The following ZNF512 variants were observed in gnomAD, a reference collection of about 807,000 sequenced individuals.
ZNF512 encodes zinc finger protein 512.
ZNF512 carries 25 observed loss-of-function variants against 77.5 expected under a neutral mutation model. The observed-to-expected ratio is 0.32, with a 90% CI of 0.23 to 0.45. The LOEUF is 0.45. Ranked by LOEUF, ZNF512 falls within the 20% of genes least tolerant of loss-of-function variation. The pLI is 1.00. For synonymous variants in ZNF512, 246 were observed against 239.9 expected, an observed-to-expected ratio of 1.03 and a Z score of -0.24; for missense variants, 483 against 692.6, an observed-to-expected ratio of 0.70 and a Z score of 3.40.
chr2:27,594,620 G>A (rs1490115794), intron 2 of ZNF512, among the ~76,000 whole-genome samples: 17 of 150,420 alleles, frequency 1.1e-4, no homozygotes, highest in South Asian at 4.2e-4. Context: ...GGTGGCGGCC[G>A]GGCAGAGGCG....
At chr2:27,620,962 T>C (rs908448195) in intron 13 of ZNF512, among the ~76,000 whole-genome samples, 191 bp from the exon 14 acceptor site, 3 of 152,202 alleles carry the variant, frequency 2.0e-5, no homozygotes, top group African/African-American at 4.8e-5. Context: ...TTACAAAATA[T>C]GTGCTTGTAA....
chr2:27,598,114 T>C lies in ZNF512; in HGVS notation c.137T>C (p.Ile46Thr), dbSNP rs748442507. ...SIKDNSFQYT[I>T]PHDDSLSGSS... ...AAGGATAATAGTTTCCAGTACACTA[T>C]CCCTCATGATGACTCCTTAAGTGGT... Residue 46 changes from isoleucine to threonine, a missense_variant, in exon 3 of 14, where the codon ATC becomes ACC. Coordinates refer to ENST00000355467, the MANE Select transcript of ZNF512 (RefSeq NM_032434.4). 1 of 1,612,706 alleles carries C rather than the reference T, an allele frequency of 6.2e-7. No homozygotes were observed. The highest frequency in any genetic ancestry group is 1.1e-5 in the South Asian group (1 of 91,020).
rs150493913 is a variant in ZNF512, at chr2:27,600,977, T to G, written c.582+162T>G. Among the ~76,000 whole-genome samples, 105 of 152,356 alleles carry G rather than the reference T, an allele frequency of 6.9e-4. 1 individual carries two copies. The East Asian group carries it at 9.4e-3, about 14-fold the overall frequency. ...GACAGAGTTAGGTTTGAATCTTCTC[T>G]TAGCCACATACTAGTGTGGCATTTA... On this transcript the variant is annotated intron_variant, in intron 6 of 13. Coordinates refer to ENST00000355467, the MANE Select transcript of ZNF512 (RefSeq NM_032434.4).
chr2:27,598,571 C>T (rs905645509), intron 3 of ZNF512, among the ~76,000 whole-genome samples: 3 of 150,284 alleles, frequency 2.0e-5, no homozygotes, highest in African/African-American at 7.4e-5. Flanking sequence ...AGAGGTTGCA[C>T]TGAGCAGAGA....
intron 3 of ZNF512, 36 bp downstream of exon 3, chr2:27,598,290 A>G (rs750385740): frequency 1.9e-6 from 3 of 1,580,272 alleles, no homozygotes; most frequent in Middle Eastern, 1.7e-4. Flanking sequence ...AAGACGGGCC[A>G]CTTCCTAAAG....
chr2:27,584,283 GA>G (rs1314412117), intron 2 of ZNF512, among the ~76,000 whole-genome samples: 2 of 152,190 alleles, frequency 1.3e-5, no homozygotes, highest in Non-Finnish European at 2.9e-5. Flanking sequence ...ATACACTGAT[GA>G]ACTTGGGATG....
rs1572920584 is a variant in ZNF512 at position 27,603,316 on chromosome 2, T to C, written c.936+9T>C. ...GGTCAGAGCATGGGCCTGTGAGTAC[T>C]GATTCCTTTCTATACCCTGCGTGGG... On this transcript the variant is annotated intron_variant, in intron 9 of 13. Coordinates refer to ENST00000355467, the MANE Select transcript of ZNF512 (RefSeq NM_032434.4). 6 of 1,613,404 alleles carry C rather than the reference T, an allele frequency of 3.7e-6. No homozygotes were observed. The highest frequency in any genetic ancestry group is 1.3e-5 in the African/African-American group (1 of 74,896).
intron 9 of ZNF512, among the ~76,000 whole-genome samples, chr2:27,606,350 A>G (rs1008280089): frequency 4.6e-5 from 7 of 151,690 alleles, no homozygotes; most frequent in African/African-American, 1.7e-4. Context: ...GCTTAACTCA[A>G]TGTATAATTT....
intron 11 of ZNF512, among the ~76,000 whole-genome samples, chr2:27,615,682 G>C (rs1881395): frequency 1.3e-5 from 2 of 151,974 alleles, no homozygotes; most frequent in Non-Finnish European, 2.9e-5. Context: ...TCTAGCTTCA[G>C]AATTTGCACA....
intron 2 of ZNF512, among the ~76,000 whole-genome samples, chr2:27,595,334 A>G (rs1417492348): frequency 7.7e-6 from 1 of 129,460 alleles, no homozygotes; most frequent in African/African-American, 3.0e-5. Context: ...GGAGTCTCGC[A>G]CTGTCGCCCA....
At chr2:27,600,914 C>T (rs1232700871) in intron 6 of ZNF512, 99 bp downstream of exon 6, 5 of 1,429,750 alleles carry the variant, frequency 3.5e-6, no homozygotes, top group African/African-American at 1.4e-5. Context: ...GGATGAAAAG[C>T]AGCATTGTAT....
chr2:27,586,593 T>C (rs1025715880), intron 2 of ZNF512, among the ~76,000 whole-genome samples: 1 of 152,214 alleles, frequency 6.6e-6, no homozygotes, highest in Non-Finnish European at 1.5e-5. Context: ...GCCAGTCCAT[T>C]AATTTTTAAA....
chr2:27,609,782 T>G, intron 10 of ZNF512, among the ~76,000 whole-genome samples: 1 of 151,728 alleles, frequency 6.6e-6, no homozygotes, highest in Non-Finnish European at 1.5e-5. Flanking sequence ...GGCAGAAGAA[T>G]CGCTTGAACC....
intron 10 of ZNF512, among the ~76,000 whole-genome samples, chr2:27,611,770 C>T (rs999288630): frequency 1.3e-5 from 2 of 151,400 alleles, no homozygotes; most frequent in African/African-American, 4.9e-5. Flanking sequence ...TGGTCTCGGC[C>T]CATTGCAACC....
intron 2 of ZNF512, among the ~76,000 whole-genome samples, chr2:27,590,838 T>G (rs1275099044): frequency 1.3e-5 from 2 of 152,190 alleles, no homozygotes; most frequent in African/African-American, 4.8e-5. Context: ...TCTGTTGCTC[T>G]TTCTTCATTC....
Position 27,621,441 on chromosome 2 carries a change from C to G in ZNF512, c.1684C>G (p.His562Asp). The G allele has an allele frequency of 6.2e-7, 1 of 1,611,230 alleles. No individual in the cohort carries two copies. The highest frequency in any genetic ancestry group is 8.5e-7 in the Non-Finnish European group (1 of 1,179,722). ...FQKVKPPKTNHKRGRK is the reference protein window; with the variant it reads ...FQKVKPPKTNDKRGRK The stretch of plus-strand genomic sequence containing the variant: ...GAAAGTAAAGCCCCCAAAGACTAAT[C>G]ATAAACGAGGAAGGAAATAGGCAGT... Residue 562 changes from histidine to aspartate, a missense_variant, in exon 14 of 14, where the codon CAT becomes GAT. His to Asp is a moderately conservative substitution (Grantham distance 81). Transcript: ENST00000355467.
Position 27,598,110 on chromosome 2 carries a change from A to G in ZNF512, c.133A>G (p.Thr45Ala). Residue 45 changes from threonine to alanine, a missense_variant, in exon 3 of 14, where the codon ACT becomes GCT. Physicochemically the swap from Thr to Ala is moderately conservative, Grantham distance 58 (BLOSUM62 0). Around this residue, in one of 2 missense-constraint regions of ZNF512, gnomAD observed 159 missense variants for 167.5 expected, o/e 0.95. Transcript: ENST00000355467. ...CATAAAGGATAATAGTTTCCAGTACACTATCCCTCATGATGACTCCTTAAG... is the reference window on the plus strand; with the variant it reads ...CATAAAGGATAATAGTTTCCAGTACGCTATCCCTCATGATGACTCCTTAAG... Reference protein sequence around the residue: ...CSIKDNSFQYTIPHDDSLSGS... With the variant: ...CSIKDNSFQYAIPHDDSLSGS... 2 of 1,612,396 alleles carry G rather than the reference A, an allele frequency of 1.2e-6. No homozygotes were observed. Among genetic ancestry groups the G allele is most frequent in the Non-Finnish European group, 1.7e-6 (2 of 1,178,548 alleles).
chr2:27,587,267 GGTTT>G (rs1255749532), intron 2 of ZNF512, among the ~76,000 whole-genome samples: 1 of 120,110 alleles, frequency 8.3e-6, no homozygotes, highest in Non-Finnish European at 1.7e-5. Flanking sequence ...TTAATTCATG[GGTTT>G]TTTTTTTTTT....
rs746774524 is a variant in ZNF512, at chr2:27,598,093, A to T, written c.116A>T (p.Asp39Val). The change falls in exon 3 of 14, where the codon GAT (aspartate) becomes GTT (valine). Residue 39 changes from aspartate (D) to valine (V), a missense_variant. This residue lies in a region of ZNF512 where 159 missense variants were observed against 167.5 expected (regional missense o/e 0.95). Transcript: ENST00000355467. Reference sequence around the variant, plus strand: ...AGCAGGACCCAGTGCTCCATAAAGGATAATAGTTTCCAGTACACTATCCCT... The same window carrying T: ...AGCAGGACCCAGTGCTCCATAAAGGTTAATAGTTTCCAGTACACTATCCCT... Reference protein sequence around the residue: ...KNSRTQCSIKDNSFQYTIPHD... With the variant: ...KNSRTQCSIKVNSFQYTIPHD... 6.2e-6 allele frequency: 10 copies of T among 1,604,136 alleles called. No homozygotes were observed. Among genetic ancestry groups the T allele is most frequent in the Non-Finnish European group, 8.5e-6 (10 of 1,171,934 alleles).
Sources: gnomAD v4.1 joint callset for allele counts (sites outside exome capture counted in the v4.1 genomes callset) on GRCh38, gnomAD v4.1.1 for gene constraint, gnomAD v4.1.1 regional missense constraint, MANE v1.5 for transcripts, NCBI Gene and HGNC (gene_info 2026-07-23, HGNC 2026-07-21) for gene names.